Variants in PABPC4L observed in about 807,000 individuals in gnomAD.
The protein encoded by PABPC4L is polyadenylate-binding protein 4-like.
For missense variants in PABPC4L, 452 were observed against 451.4 expected (o/e 1.00, Z -0.01); for synonymous variants, 169 against 164.1 (o/e 1.03, Z -0.23).
chr4:134,054,063 G>A, the PABPC4L span, among the ~76,000 whole-genome samples: 2 of 151,424 alleles, frequency 1.3e-5, no homozygotes, highest in Admixed American at 1.3e-4. Context: ...AAAGAAGTGA[G>A]TATAAATTAA....
At chr4:134,075,807 T>G in the PABPC4L span, among the ~76,000 whole-genome samples, 1 of 152,186 alleles carries the variant, frequency 6.6e-6, no homozygotes, top group Admixed American at 6.5e-5. Context: ...TTCTATAGCA[T>G]CTGCTGGAGC....
chr4:134,165,013 A>G, the PABPC4L span, among the ~76,000 whole-genome samples: 1 of 152,178 alleles, frequency 6.6e-6, no homozygotes, highest in Non-Finnish European at 1.5e-5. Flanking sequence ...CAATGTACAC[A>G]AAAACATAAA....
At chr4:134,009,701 T>C in the PABPC4L span, among the ~76,000 whole-genome samples, 1 of 152,000 alleles carries the variant, frequency 6.6e-6, no homozygotes, top group Non-Finnish European at 1.5e-5. Flanking sequence ...ATTGAACTAG[T>C]AGAGTTTCAG....
the PABPC4L span, among the ~76,000 whole-genome samples, chr4:134,158,353 T>A: frequency 6.6e-6 from 1 of 152,064 alleles, no homozygotes; most frequent in East Asian, 1.9e-4. Flanking sequence ...ATATATTCAA[T>A]GTTTAGCACC....
At chr4:134,194,688 G>A (rs902012859), downstream of PABPC4L, among the ~76,000 whole-genome samples, 15 of 151,756 alleles carry the variant, frequency 9.9e-5, no homozygotes, top group East Asian at 2.7e-3. Flanking sequence ...TGTTCCACCT[G>A]TACAGTACAC....
At chr4:134,015,309 G>A in the PABPC4L span, among the ~76,000 whole-genome samples, 1 of 152,094 alleles carries the variant, frequency 6.6e-6, no homozygotes, top group African/African-American at 2.4e-5. Context: ...CAGGATCTGA[G>A]CCTTATCAAC....
chr4:133,983,866 A>G, the PABPC4L span, among the ~76,000 whole-genome samples: 2 of 151,852 alleles, frequency 1.3e-5, no homozygotes, highest in African/African-American at 2.4e-5. Context: ...ACATATTTAC[A>G]ATTACCTGAA....
chr4:134,018,406 T>C, the PABPC4L span, among the ~76,000 whole-genome samples: 1 of 152,130 alleles, frequency 6.6e-6, no homozygotes, highest in Non-Finnish European at 1.5e-5. Flanking sequence ...AGGTTTGTTA[T>C]ATAGATAAAT....
the PABPC4L span, among the ~76,000 whole-genome samples, chr4:133,996,612 T>C: frequency 6.6e-6 from 1 of 152,176 alleles, no homozygotes; most frequent in Non-Finnish European, 1.5e-5. Flanking sequence ...AGAGTTCTAT[T>C]GCAATCCGTT....
the PABPC4L span, among the ~76,000 whole-genome samples, chr4:134,151,884 T>C: frequency 1.3e-5 from 2 of 151,742 alleles, no homozygotes; most frequent in Admixed American, 6.6e-5. Context: ...TCCTGGTAAA[T>C]TCCCATCATG....
the PABPC4L span, among the ~76,000 whole-genome samples, chr4:134,116,767 TG>T: frequency 2.6e-5 from 4 of 151,766 alleles, no homozygotes; most frequent in Admixed American, 6.6e-5. Flanking sequence ...CTTACATTTA[TG>T]TTTAAAGCAC....
the PABPC4L span, among the ~76,000 whole-genome samples, chr4:134,171,798 A>G: frequency 6.6e-6 from 1 of 152,178 alleles, no homozygotes; most frequent in African/African-American, 2.4e-5. Flanking sequence ...CCAAGATCTA[A>G]TAAAGAACTT....
chr4:134,069,728 T>A, the PABPC4L span, among the ~76,000 whole-genome samples: 1 of 152,192 alleles, frequency 6.6e-6, no homozygotes, highest in Non-Finnish European at 1.5e-5. Flanking sequence ...ATTATTTTAT[T>A]ACATTCCTTA....
chr4:134,007,700 T>C, the PABPC4L span, among the ~76,000 whole-genome samples: 1 of 151,738 alleles, frequency 6.6e-6, no homozygotes, highest in East Asian at 1.9e-4. Context: ...GATCTTTTTG[T>C]ATAAATAATA....
At chr4:134,119,485 A>G in the PABPC4L span, among the ~76,000 whole-genome samples, 14 of 151,762 alleles carry the variant, frequency 9.2e-5, no homozygotes, top group African/African-American at 3.1e-4. Flanking sequence ...GGAAGACAGA[A>G]TAATGTTTTA....
At chr4:134,138,449 G>C in the PABPC4L span, among the ~76,000 whole-genome samples, 1 of 151,706 alleles carries the variant, frequency 6.6e-6, no homozygotes, top group Non-Finnish European at 1.5e-5. Flanking sequence ...AGTAACTCTA[G>C]TGATTACTTA....
At chr4:134,065,333 T>C in the PABPC4L span, among the ~76,000 whole-genome samples, 3 of 74,414 alleles carry the variant, frequency 4.0e-5, no homozygotes, top group East Asian at 5.9e-3. Context: ...GGTTTGTATT[T>C]ATCTAATATT....
chr4:133,974,378 T>A, the PABPC4L span, among the ~76,000 whole-genome samples: 6 of 152,060 alleles, frequency 3.9e-5, no homozygotes, highest in Non-Finnish European at 8.8e-5. Context: ...GATGTAAATA[T>A]AAGACTACAA....
chr4:134,051,212 G>A, the PABPC4L span, among the ~76,000 whole-genome samples: 1 of 152,138 alleles, frequency 6.6e-6, no homozygotes, highest in South Asian at 2.1e-4. Flanking sequence ...AAGGTGAAAA[G>A]TAGGTCAAAA....
Sources: allele counts gnomAD v4.1 joint callset (sites outside exome capture counted in the v4.1 genomes callset), GRCh38; gene constraint gnomAD v4.1.1; transcripts MANE v1.5; gene names NCBI Gene and HGNC (gene_info 2026-07-23, HGNC 2026-07-21).